RAB38: variants seen among roughly 807,000 people sequenced by gnomAD.
RAB38 encodes the protein RAB38, member RAS oncogene family, also known as ras-related protein Rab-38.
Under a neutral mutation model 18.4 loss-of-function variants are expected in RAB38, and 15 were observed. The observed-to-expected ratio is 0.82, with a 90% CI of 0.55 to 1.26. RAB38 has a LOEUF of 1.26. Ranked by LOEUF, RAB38 falls within the 50% of genes most tolerant of loss-of-function variation. RAB38 has a pLI of 0.00. For missense variants in RAB38, 294 were observed against 267.4 expected, an observed-to-expected ratio of 1.10 and a Z score of -0.69; for synonymous variants, 101 against 104.4, an observed-to-expected ratio of 0.97 and a Z score of 0.20.
At chr11:88,132,531 C>T (rs1036155802) in intron 2 of RAB38, among the ~76,000 whole-genome samples, 1 of 152,220 alleles carries the variant, frequency 6.6e-6, no homozygotes, top group Non-Finnish European at 1.5e-5. Flanking sequence ...GATCTTGGCT[C>T]ACTACAATCT....
rs190335255 is a variant in RAB38, at chr11:88,138,545, G to A, written c.483+11130C>T. On this transcript the variant is annotated intron_variant, in intron 2 of 2. Coordinates refer to ENST00000243662, the MANE Select transcript of RAB38 (RefSeq NM_022337.3). The stretch of plus-strand genomic sequence containing the variant: ...GAGAAGTAAAAAGAAAAATAGGGAA[G>A]AAGAGATCTGAATAGAGAGAGTTGG... Among the ~76,000 whole-genome samples the A allele has an allele frequency of 2.0e-3, 309 of 152,212 alleles. 3 individuals are homozygous for A. Among genetic ancestry groups the A allele is most frequent in the African/African-American group, 7.0e-3 (289 of 41,532 alleles).
At chr11:87,844,226 T>C in the RAB38 span, among the ~76,000 whole-genome samples, 3 of 152,174 alleles carry the variant, frequency 2.0e-5, no homozygotes, top group African/African-American at 7.2e-5. Flanking sequence ...CTTTTTAAAA[T>C]CTGCTTGTGT....
chr11:88,084,393 G>A, the RAB38 span, among the ~76,000 whole-genome samples: 1 of 151,514 alleles, frequency 6.6e-6, no homozygotes, highest in East Asian at 1.9e-4. Flanking sequence ...AGCTCCAAGA[G>A]GTGTGTAACA....
At chr11:88,095,969 G>A in the RAB38 span, among the ~76,000 whole-genome samples, 2 of 151,806 alleles carry the variant, frequency 1.3e-5, no homozygotes, top group Non-Finnish European at 2.9e-5. Flanking sequence ...CAGCATCATC[G>A]TGTGCTTGGA....
At chr11:88,044,619 G>A in the RAB38 span, among the ~76,000 whole-genome samples, 21 of 152,174 alleles carry the variant, frequency 1.4e-4, no homozygotes, top group South Asian at 6.2e-4. Flanking sequence ...AATTATTGCC[G>A]TAAAATGGGC....
At chr11:88,034,156 A>T in the RAB38 span, among the ~76,000 whole-genome samples, 2 of 151,970 alleles carry the variant, frequency 1.3e-5, no homozygotes, top group Non-Finnish European at 2.9e-5. Context: ...ACTGTATGTA[A>T]CCATTTGGGA....
the RAB38 span, among the ~76,000 whole-genome samples, chr11:87,884,941 T>C: frequency 1.4e-4 from 21 of 152,078 alleles, no homozygotes; most frequent in African/African-American, 5.1e-4. Flanking sequence ...AACTGTGGGT[T>C]TGCTGTAAGT....
At chr11:87,924,441 C>T in the RAB38 span, among the ~76,000 whole-genome samples, 1 of 151,946 alleles carries the variant, frequency 6.6e-6, no homozygotes, top group South Asian at 2.1e-4. Context: ...AGATGGTTTG[C>T]AAAATAGTCC....
At chr11:87,828,089 T>G in the RAB38 span, among the ~76,000 whole-genome samples, 1 of 152,184 alleles carries the variant, frequency 6.6e-6, no homozygotes, top group Non-Finnish European at 1.5e-5. Flanking sequence ...GTGAAAGGTA[T>G]ATGGAAACTC....
downstream of RAB38, among the ~76,000 whole-genome samples, chr11:88,109,485 CA>C: frequency 6.6e-6 from 1 of 152,064 alleles, no homozygotes. Flanking sequence ...TCTAAAACAC[CA>C]AAAGCAATGG....
chr11:87,917,946 G>T, the RAB38 span: 8 of 151,908 alleles, frequency 5.3e-5, no homozygotes, highest in Admixed American at 3.9e-4. Flanking sequence ...AAAAACAATA[G>T]AAATTACACC....
chr11:87,977,507 T>C, the RAB38 span, among the ~76,000 whole-genome samples: 93 of 99,554 alleles, frequency 9.3e-4, 6 homozygotes, highest in South Asian at 0.024. Flanking sequence ...TTTTATATGA[T>C]TATGTAATTA....
chr11:88,134,590 C>T (rs1431280334), intron 2 of RAB38, among the ~76,000 whole-genome samples: 1 of 152,182 alleles, frequency 6.6e-6, no homozygotes, highest in Non-Finnish European at 1.5e-5. Context: ...GTTGAGACAT[C>T]CTTAAATCCT....
At chr11:87,934,537 G>A in the RAB38 span, among the ~76,000 whole-genome samples, 2 of 152,062 alleles carry the variant, frequency 1.3e-5, no homozygotes, top group African/African-American at 2.4e-5. Context: ...TAAATGTCAT[G>A]TTAACATAAA....
the RAB38 span, among the ~76,000 whole-genome samples, chr11:88,056,019 G>A: frequency 9.5e-6 from 1 of 105,102 alleles, no homozygotes; most frequent in Non-Finnish European, 1.7e-5. Context: ...TTTTTCTTTC[G>A]TGTGTGTGTG....
chr11:87,928,974 G>A, the RAB38 span, among the ~76,000 whole-genome samples: 4 of 152,018 alleles, frequency 2.6e-5, no homozygotes, highest in African/African-American at 7.2e-5. Flanking sequence ...AAATAGCTGT[G>A]TGTGGTCGTG....
chr11:88,085,405 T>G, the RAB38 span, among the ~76,000 whole-genome samples: 1 of 151,942 alleles, frequency 6.6e-6, no homozygotes, highest in African/African-American at 2.4e-5. Flanking sequence ...CAAGTAACTT[T>G]TACAAAGTAA....
the RAB38 span, among the ~76,000 whole-genome samples, chr11:87,933,620 A>G: frequency 2.6e-5 from 4 of 152,034 alleles, no homozygotes; most frequent in African/African-American, 9.7e-5. Context: ...AGCTCTGAGG[A>G]AACAGCCAAG....
chr11:87,856,262 A>G, the RAB38 span, among the ~76,000 whole-genome samples: 1 of 152,168 alleles, frequency 6.6e-6, no homozygotes, highest in Admixed American at 6.6e-5. Flanking sequence ...TGACTGGCAC[A>G]TAAAACCATT....
Sources: gnomAD v4.1 joint callset for allele counts (sites outside exome capture counted in the v4.1 genomes callset) on GRCh38, gnomAD v4.1.1 for gene constraint, MANE v1.5 for transcripts, NCBI Gene and HGNC (gene_info 2026-07-23, HGNC 2026-07-21) for gene names.